TNFAIP1: variants seen among roughly 807,000 people sequenced by gnomAD.
TNFAIP1 encodes the protein BTB/POZ domain-containing adapter for CUL3-mediated RhoA degradation protein 2.
Under a neutral mutation model 32.6 loss-of-function variants are expected in TNFAIP1, and 20 were observed. That is an observed-to-expected ratio of 0.61 (90% confidence interval 0.43 to 0.89). The LOEUF is 0.89. Ranked by LOEUF, TNFAIP1 falls within the 40% of genes least tolerant of loss-of-function variation. The probability of loss-of-function intolerance (pLI) is 0.00; values close to 1 mark genes in which losing one functional copy is unlikely to be tolerated. For synonymous variants in TNFAIP1, 166 were observed against 166.8 expected (o/e 1.00, Z 0.04); for missense variants, 319 against 425.1 (o/e 0.75, Z 2.20).
Position 28,340,022 on chromosome 17 carries a change from G to A in TNFAIP1, c.206-287G>A, listed in dbSNP as rs1907308983. 6.6e-6 allele frequency among the ~76,000 whole-genome samples: 1 copy of A among 152,232 alleles called. No homozygotes were observed. Among genetic ancestry groups the A allele is most frequent in the Admixed American group, 6.5e-5 (1 of 15,288 alleles). ...GCCGGCAGTGGCTGGTGGTTTCTGT[G>A]TTGGGCTGGGCCTGGTACCCTGAGC... On this transcript the variant is annotated intron_variant, in intron 2 of 6. Coordinates refer to ENST00000226225, the MANE Select transcript of TNFAIP1 (RefSeq NM_021137.5). The surrounding 1 kb of genome is among the most constrained non-coding windows in gnomAD (Gnocchi z 4.1).
rs1407583933 is a variant in TNFAIP1, at chr17:28,344,976, C to T, written c.*376C>T. On this transcript the variant is annotated 3_prime_UTR_variant, in exon 7 of 7. Coordinates refer to ENST00000226225, the MANE Select transcript of TNFAIP1 (RefSeq NM_021137.5). ...AAGGCAGTTCTGGTGCTGTAGAGGC[C>T]CTGGTGCAGAAAGTGGGACGTCTTT... 1 of 246,486 alleles carries T rather than the reference C, an allele frequency of 4.1e-6. No homozygotes were observed. The highest frequency in any genetic ancestry group is 8.0e-6 in the Non-Finnish European group (1 of 125,368). 15.3% of individuals were successfully genotyped at this position (246,486 alleles called of 1,614,324 possible).
Position 28,340,646 on chromosome 17 carries a change from G to C in TNFAIP1, c.375+168G>C, listed in dbSNP as rs1555578032. Among the ~76,000 whole-genome samples, 1 of 152,162 alleles carries C rather than the reference G, an allele frequency of 6.6e-6. No individual in the cohort carries two copies. The highest frequency in any genetic ancestry group is 1.5e-5 in the Non-Finnish European group (1 of 68,032). ...CCCAGGCCCACCAACCTGGCAGCCA[G>C]GTGTTCACACTTGGCAGCGTGAGTA... On this transcript the variant is annotated intron_variant, in intron 3 of 6. Transcript: ENST00000226225. The surrounding 1 kb of genome is among the most constrained non-coding windows in gnomAD (Gnocchi z 4.1).
rs1555577988 is a variant in TNFAIP1, at chr17:28,340,368, G to A, written c.265G>A (p.Asp89Asn). Residue 89 changes from aspartate (D) to asparagine (N), a missense_variant, in exon 3 of 7, where the codon GAT (aspartate) becomes AAT (asparagine). Transcript: ENST00000226225. This position sits in a 1 kb window ranked among gnomAD's most constrained non-coding sequence, Gnocchi z 4.1. ...TGGCACCATTTTGAATTACCTCCGAGATGACACCATCACCCTCCCTCAGAA... is the reference window on the plus strand; with the variant it reads ...TGGCACCATTTTGAATTACCTCCGAAATGACACCATCACCCTCCCTCAGAA... ...HFGTILNYLR[D>N]DTITLPQNRQ... 1 of 1,614,130 alleles carries A rather than the reference G, an allele frequency of 6.2e-7. No individual in the cohort carries two copies. The highest frequency in any genetic ancestry group is 1.1e-5 in the South Asian group (1 of 91,064).
rs1555578006 is a variant in TNFAIP1 at position 28,340,483 on chromosome 17, A to G, written c.375+5A>G. 2 of 1,589,864 alleles carry G rather than the reference A, an allele frequency of 1.3e-6. No individual in the cohort carries two copies. Among genetic ancestry groups the G allele is most frequent in the Non-Finnish European group, 8.6e-7 (1 of 1,163,926 alleles). On this transcript the variant is annotated splice_donor_5th_base_variant and intron_variant, in intron 3 of 6. Transcript: ENST00000226225. This position sits in a 1 kb window ranked among gnomAD's most constrained non-coding sequence, Gnocchi z 4.1. ...ATGTGCCAGAGTGCCCTGCAGGTAC[A>G]TGGGTGGGGCGGAGCAGGGCGGGCA...
chr17:28,340,581 G>A lies in TNFAIP1; in HGVS notation c.375+103G>A. ...TCCTGGCAGGTTGTGTGGGAGGCGT[G>A]GTTGATGAGTGCAAACCTAATGAGA... On this transcript the variant is annotated intron_variant, in intron 3 of 6. Transcript: ENST00000226225. The surrounding 1 kb of genome is among the most constrained non-coding windows in gnomAD (Gnocchi z 4.1). 7.3e-7 allele frequency: 1 copy of A among 1,365,282 alleles called. No homozygotes were observed. The highest frequency in any genetic ancestry group is 1.0e-6 in the Non-Finnish European group (1 of 987,390). The allele number at this position is 1,365,282 out of a possible 1,614,324, so 84.6% of individuals were successfully genotyped here.
At chr17:28,339,802 A>C (rs894558450) in intron 2 of TNFAIP1, 76 bp downstream of exon 2, 3 of 1,495,366 alleles carry the variant, frequency 2.0e-6, no homozygotes, top group Non-Finnish European at 2.7e-6. Context: ...TCTAGAATTC[A>C]GTCACTTTTC....
At chr17:28,339,834 T>A in intron 2 of TNFAIP1, 108 bp downstream of exon 2, 1 of 1,184,568 alleles carries the variant, frequency 8.4e-7, no homozygotes, top group Non-Finnish European at 1.2e-6. Context: ...ATGTAGGGTG[T>A]CTTCACCTGG....
At chr17:28,343,070 G>C (rs539160853) in intron 6 of TNFAIP1, among the ~76,000 whole-genome samples, 1 of 152,306 alleles carries the variant, frequency 6.6e-6, no homozygotes, top group East Asian at 1.9e-4. Context: ...AAGTACTCAG[G>C]AGGCTGCTGT....
At chr17:28,341,181 G>A (rs1597794325) in intron 3 of TNFAIP1, 56 bp from the exon 4 acceptor site, 7 of 1,598,904 alleles carry the variant, frequency 4.4e-6, no homozygotes, top group South Asian at 2.2e-5. Flanking sequence ...GGTATACCTC[G>A]ATAAGCCTGG....
In TNFAIP1 at chr17:28,344,917, G is replaced by GA. The variant is rs1567788414; in HGVS notation, c.*319dup. On this transcript the variant is annotated 3_prime_UTR_variant, in exon 7 of 7. Transcript: ENST00000226225. ...AGAACCTTCCCCTAGGCCCTGTGCA[G>GA]AAGGCTACTGCCCCTTAGGCCTCAG... The GA allele has an allele frequency of 3.7e-6, 1 of 270,492 alleles. No individual in the cohort carries two copies. Among genetic ancestry groups the GA allele is most frequent in the Non-Finnish European group, 6.3e-6 (1 of 159,138 alleles). The allele number at this position is 270,492 out of a possible 1,614,324, so 16.8% of individuals were successfully genotyped here.
rs766727864 is a variant in TNFAIP1, at chr17:28,341,575, TG to T, written c.518+123del. The T allele has an allele frequency of 7.0e-4, 799 of 1,149,422 alleles. 2 individuals carry two copies. The highest frequency in any genetic ancestry group is 8.6e-4 in the Non-Finnish European group (677 of 790,482). The allele number at this position is 1,149,422 out of a possible 1,614,324, so 71.2% of individuals were successfully genotyped here. ...GGTCTTGGAACTGGCTGTGCCAAGT[TG>T]GGGAAAAACAGAAAGTAGAAGGGAA... On this transcript the variant is annotated intron_variant, in intron 5 of 6. Coordinates refer to ENST00000226225, the MANE Select transcript of TNFAIP1 (RefSeq NM_021137.5).
At chr17:28,339,068 C>CA (rs527819223) in intron 1 of TNFAIP1, among the ~76,000 whole-genome samples, 1,597 of 98,328 alleles carry the variant, frequency 0.016, 20 homozygotes, top group African/African-American at 0.04. Flanking sequence ...CTGTCTCTAC[C>CA]AAAAAAAAAA....
In TNFAIP1 at chr17:28,342,780, C is replaced by T. The variant is rs1424315067; in HGVS notation, c.714+338C>T. Reference sequence around the variant, plus strand: ...CTGACTTTGGATAAGCCACTTAAGCCATCTGGGCCTCAGGTTCCTCATTTG... The same window carrying T: ...CTGACTTTGGATAAGCCACTTAAGCTATCTGGGCCTCAGGTTCCTCATTTG... On this transcript the variant is annotated intron_variant, in intron 6 of 6. Transcript: ENST00000226225. This position sits in a 1 kb window ranked among gnomAD's most constrained non-coding sequence, Gnocchi z 4.0. 6.6e-6 allele frequency among the ~76,000 whole-genome samples: 1 copy of T among 152,206 alleles called. No homozygotes were observed. Among genetic ancestry groups the T allele is most frequent in the African/African-American group, 2.4e-5 (1 of 41,450 alleles).
intron 5 of TNFAIP1, among the ~76,000 whole-genome samples, chr17:28,341,722 C>T (rs1907368643): frequency 6.6e-6 from 1 of 152,214 alleles, no homozygotes; most frequent in Non-Finnish European, 1.5e-5. Context: ...TCACACGTGT[C>T]ATCCTACCGG....
intron 6 of TNFAIP1, among the ~76,000 whole-genome samples, 169 bp from the exon 7 acceptor site, chr17:28,344,195 A>G (rs1458889923): frequency 6.6e-6 from 1 of 152,082 alleles, no homozygotes; most frequent in African/African-American, 2.4e-5. Flanking sequence ...TGTAGAGTAC[A>G]TCCCCTCACC....
In TNFAIP1 at chr17:28,344,823, C is replaced by T. The variant is rs1051247363; in HGVS notation, c.*223C>T. 4.1e-5 allele frequency: 24 copies of T among 582,990 alleles called. No homozygotes were observed. Among genetic ancestry groups the T allele is most frequent in the Admixed American group, 3.6e-4 (12 of 33,332 alleles). The allele number at this position is 582,990 out of a possible 1,614,324, so 36.1% of individuals were successfully genotyped here. On this transcript the variant is annotated 3_prime_UTR_variant, in exon 7 of 7. Transcript: ENST00000226225. ...ACTGCGTCCTGTCCTATCTGCTCAC[C>T]ATCACCCTTCCTGCCCGACGGAGCT...
At position 28,344,914 on chromosome 17, in the gene TNFAIP1, G is replaced by A. The variant is rs1483708951; in HGVS notation, c.*314G>A. The A allele has an allele frequency of 1.4e-5, 4 of 282,388 alleles. No individual in the cohort carries two copies. Among genetic ancestry groups the A allele is most frequent in the Non-Finnish European group, 2.4e-5 (4 of 166,152 alleles). The allele number at this position is 282,388 out of a possible 1,614,324, so 17.5% of individuals were successfully genotyped here. On this transcript the variant is annotated 3_prime_UTR_variant, in exon 7 of 7. Coordinates refer to ENST00000226225, the MANE Select transcript of TNFAIP1 (RefSeq NM_021137.5). ...CTGAGAACCTTCCCCTAGGCCCTGT[G>A]CAGAAGGCTACTGCCCCTTAGGCCT...
intron 6 of TNFAIP1, 76 bp from the exon 7 acceptor site, chr17:28,344,288 C>T (rs201285947): frequency 3.7e-6 from 5 of 1,365,436 alleles, no homozygotes; most frequent in African/African-American, 1.4e-5. Flanking sequence ...TATGGAGCCT[C>T]AGGGCCAGCC....
chr17:28,339,241 G>GAA (rs1316145348), intron 1 of TNFAIP1, among the ~76,000 whole-genome samples, 167 bp from the exon 2 acceptor site: 7 of 82,406 alleles, frequency 8.5e-5, no homozygotes, highest in East Asian at 6.8e-4. Context: ...CTGTCTCTAA[G>GAA]AAAAAAAAAA....
Sources: gnomAD v4.1 joint callset for allele counts (sites outside exome capture counted in the v4.1 genomes callset) on GRCh38, gnomAD v4.1.1 for gene constraint, Gnocchi (gnomAD v3.1) non-coding constraint, MANE v1.5 for transcripts, NCBI Gene and HGNC (gene_info 2026-07-23, HGNC 2026-07-21) for gene names.